The following ALDH1L1 variants were observed in gnomAD, a reference collection of about 807,000 sequenced individuals.
The protein encoded by ALDH1L1 is aldehyde dehydrogenase 1 family member L1.
Under a neutral mutation model 101.1 loss-of-function variants are expected in ALDH1L1, and 68 were observed. The ratio of observed to expected loss-of-function variants is 0.67; its 90% CI spans 0.55 to 0.82. The LOEUF is 0.82. Among genes scored for constraint, ALDH1L1 ranks in the 40% least tolerant of loss-of-function variants. The pLI, the probability that ALDH1L1 is intolerant of heterozygous loss-of-function variation, is 0.00. For synonymous variants in ALDH1L1, 486 were observed against 470.8 expected (o/e 1.03, Z -0.42); for missense variants, 1,087 against 1,172.7 (o/e 0.93, Z 1.07).
chr3:126,112,346 G>A (rs1316917369), intron 19 of ALDH1L1, among the ~76,000 whole-genome samples: 1 of 152,212 alleles, frequency 6.6e-6, no homozygotes, highest in East Asian at 1.9e-4. Flanking sequence ...GGGTATGCCT[G>A]TGTAGGGGGA....
At chr3:126,141,785 C>A (rs1436298719) in intron 9 of ALDH1L1, among the ~76,000 whole-genome samples, 1 of 151,746 alleles carries the variant, frequency 6.6e-6, no homozygotes, top group African/African-American at 2.4e-5. Flanking sequence ...ACACTGTACA[C>A]CTTAAGGAAT....
At chr3:126,180,403 GC>G (rs1364415886) in intron 1 of ALDH1L1, 72 bp downstream of exon 1, 1 of 973,118 alleles carries the variant, frequency 1.0e-6, no homozygotes, top group African/African-American at 1.8e-5. Context: ...AGCCCCCGGA[GC>G]CCCCGGAGCT....
intron 16 of ALDH1L1, among the ~76,000 whole-genome samples, chr3:126,119,403 CA>C (rs1338663596): frequency 6.6e-6 from 1 of 152,204 alleles, no homozygotes. Context: ...TTTCAGTAAA[CA>C]ACTTCTCCTG....
At position 126,135,530 on chromosome 3, in the gene ALDH1L1, C is replaced by T. The variant is rs775400311; in HGVS notation, c.1472+5G>A. ...GTGGCTGGCAGGTACATGTTGGGCTCCCACCTGTACATCAGCCGGCCCCGG... is the reference window on the plus strand; with the variant it reads ...GTGGCTGGCAGGTACATGTTGGGCTTCCACCTGTACATCAGCCGGCCCCGG... On this transcript the variant is annotated splice_donor_5th_base_variant and intron_variant, in intron 12 of 22. Coordinates refer to ENST00000393434, the MANE Select transcript of ALDH1L1 (RefSeq NM_012190.4). 5 of 1,605,634 alleles carry T rather than the reference C, an allele frequency of 3.1e-6. No homozygotes were observed. Among genetic ancestry groups the T allele is most frequent in the South Asian group, 1.1e-5 (1 of 89,820 alleles).
intron 18 of ALDH1L1, 51 bp downstream of exon 18, chr3:126,114,506 C>T (rs1407910943): frequency 1.4e-6 from 2 of 1,403,804 alleles, no homozygotes; most frequent in Non-Finnish European, 1.9e-6. Flanking sequence ...CTGGTCCCTA[C>T]AGTCCCTGTT....
chr3:126,177,616 G>A (rs2081387133), intron 1 of ALDH1L1, among the ~76,000 whole-genome samples: 1 of 152,186 alleles, frequency 6.6e-6, no homozygotes, highest in Non-Finnish European at 1.5e-5. Context: ...TATTCTCTAT[G>A]ATACTGTAAC....
chr3:126,138,519 T>C (rs2080500756), intron 9 of ALDH1L1, among the ~76,000 whole-genome samples: 1 of 152,100 alleles, frequency 6.6e-6, no homozygotes, highest in Non-Finnish European at 1.5e-5. Context: ...CAAATAAGAA[T>C]ATGACAAGAC....
In ALDH1L1 at chr3:126,153,498, C is replaced by T; in HGVS notation, c.804G>A (p.Arg268=). 6.2e-7 allele frequency: 1 copy of T among 1,614,162 alleles called. No homozygotes were observed. The highest frequency in any genetic ancestry group is 8.5e-7 in the Non-Finnish European group (1 of 1,180,028). ...GDALPIPGAH[R]PGVVTKAGLI... Reference sequence around the variant, plus strand: ...GTCCTGCTTTGGTGACCACCCCTGGCCGATGGGCTCCTGGGATGGGCAAAG... The same window carrying T: ...GTCCTGCTTTGGTGACCACCCCTGGTCGATGGGCTCCTGGGATGGGCAAAG... Residue 268 remains arginine (R), a synonymous_variant, in exon 7 of 23, where the codon CGG becomes CGA. Coordinates refer to ENST00000393434, the MANE Select transcript of ALDH1L1 (RefSeq NM_012190.4).
intron 15 of ALDH1L1, 61 bp from the exon 16 acceptor site, chr3:126,124,512 T>C: frequency 4.4e-6 from 6 of 1,368,632 alleles, no homozygotes; most frequent in Non-Finnish European, 5.2e-6. Flanking sequence ...GGGCTCTGCC[T>C]TCCCTCCCCG....
upstream of ALDH1L1, chr3:126,180,638 C>A (rs1199140658): frequency 3.1e-6 from 4 of 1,305,622 alleles, no homozygotes; most frequent in East Asian, 1.3e-4. Context: ...AGGGGAGGGG[C>A]GCGGGGCGGG....
At chr3:126,161,533 C>T (rs895156390) in intron 1 of ALDH1L1, among the ~76,000 whole-genome samples, 15 of 152,248 alleles carry the variant, frequency 9.9e-5, no homozygotes, top group East Asian at 3.9e-4. Flanking sequence ...TGCGTGGGGG[C>T]GCCTGAGGAT....
intron 6 of ALDH1L1, 88 bp from the exon 7 acceptor site, chr3:126,153,669 A>C: frequency 6.6e-7 from 1 of 1,505,042 alleles, no homozygotes. Context: ...GGGCTGGGAG[A>C]GGGAGAGGGG....
intron 5 of ALDH1L1, among the ~76,000 whole-genome samples, chr3:126,155,187 C>A (rs1227583779): frequency 1.3e-5 from 2 of 152,208 alleles, no homozygotes; most frequent in African/African-American, 2.4e-5. Flanking sequence ...CAGGAAAGAA[C>A]CTGGAATGGA....
Position 126,124,468 on chromosome 3 carries a change from G to T in ALDH1L1, c.1801-17C>A. 1 of 1,605,490 alleles carries T rather than the reference G, an allele frequency of 6.2e-7. No individual in the cohort carries two copies. The highest frequency in any genetic ancestry group is 8.5e-7 in the Non-Finnish European group (1 of 1,174,822). ...TGGGGTCACCTGGGTGTGGGGCCAG[G>T]AAAGGAGACTGGGTAAGGAGGTTTT... On this transcript the variant is annotated splice_polypyrimidine_tract_variant and intron_variant, in intron 15 of 22. Transcript: ENST00000393434.
At chr3:126,145,890 C>T (rs1484348203) in intron 9 of ALDH1L1, among the ~76,000 whole-genome samples, 1 of 152,140 alleles carries the variant, frequency 6.6e-6, no homozygotes, top group Non-Finnish European at 1.5e-5. Flanking sequence ...AGCAGTTTTG[C>T]TTTCTTTGCA....
rs549907208 is a variant in ALDH1L1, at chr3:126,146,362, C to T, written c.1076+473G>A. On this transcript the variant is annotated intron_variant, in intron 9 of 22. Transcript: ENST00000393434. ...AGCCCCCAGCTGACCTGGCAGATCC[C>T]GCCCTTATGTGAGCCCAGCTGACAG... Among the ~76,000 whole-genome samples the T allele has an allele frequency of 8.5e-5, 13 of 152,270 alleles. No homozygotes were observed. In the South Asian group the frequency reaches 1.5e-3, roughly 17 times the overall value.
At position 126,191,417 on chromosome 3, in the gene ALDH1L1, C is replaced by G. The variant is rs145701972; in HGVS notation, c.-24+6318G>C. On this transcript the variant is annotated intron_variant, in intron 1 of 2. Transcript: ENST00000509952. Reference sequence around the variant, plus strand: ...GTGCAATGGGCCTATTGTTTTCCCTCATGCCTGATTGCCATGTTCATGAAT... The same window carrying G: ...GTGCAATGGGCCTATTGTTTTCCCTGATGCCTGATTGCCATGTTCATGAAT... Among the ~76,000 whole-genome samples the G allele has an allele frequency of 7.9e-3, 1,199 of 152,272 alleles. 11 individuals are homozygous for G. The highest frequency in any genetic ancestry group is 0.026 in the African/African-American group (1,072 of 41,544).
At chr3:126,169,825 T>C (rs1230950610) in intron 1 of ALDH1L1, among the ~76,000 whole-genome samples, 1 of 152,142 alleles carries the variant, frequency 6.6e-6, no homozygotes, top group Non-Finnish European at 1.5e-5. Context: ...AAATCAGTCC[T>C]ATCATAAATT....
chr3:126,112,990 G>T, intron 18 of ALDH1L1, 110 bp from the exon 19 acceptor site: 1 of 888,188 alleles, frequency 1.1e-6, no homozygotes, highest in Non-Finnish European at 1.8e-6. Flanking sequence ...GCACCCATGT[G>T]TCCTGATCTC....
Sources: gnomAD v4.1 joint callset for allele counts (sites outside exome capture counted in the v4.1 genomes callset) on GRCh38, gnomAD v4.1.1 for gene constraint, MANE v1.5 for transcripts, NCBI Gene and HGNC (gene_info 2026-07-23, HGNC 2026-07-21) for gene names.